ELAVL4: variants seen among roughly 807,000 people sequenced by gnomAD.
The protein encoded by ELAVL4 is ELAV-like protein 4.
ELAVL4 carries 1 observed loss-of-function variant against 35.6 expected under a neutral mutation model. The observed-to-expected ratio is 0.03, with a 90% CI of 0.01 to 0.13. ELAVL4 has a LOEUF of 0.13. ELAVL4 is among the 10% of genes least tolerant of loss of function. The probability of loss-of-function intolerance (pLI) is 1.00; values close to 1 mark genes in which losing one functional copy is unlikely to be tolerated. For missense variants in ELAVL4, 267 were observed against 464.9 expected (o/e 0.57, Z 3.91); for synonymous variants, 156 against 171.0 (o/e 0.91, Z 0.69).
intron 2 of ELAVL4, among the ~76,000 whole-genome samples, chr1:50,175,126 G>A (rs559166474): frequency 6.6e-6 from 1 of 152,196 alleles, no homozygotes; most frequent in East Asian, 1.9e-4. Context: ...TTTAAAAAGT[G>A]ATTATAAGAA....
At chr1:50,100,368 A>G (rs1665917685), upstream of ELAVL4, among the ~76,000 whole-genome samples, 1 of 152,182 alleles carries the variant, frequency 6.6e-6, no homozygotes, top group Non-Finnish European at 1.5e-5. Context: ...GGAGGTTGGA[A>G]TAGATTCAGA....
intron 2 of ELAVL4, among the ~76,000 whole-genome samples, chr1:50,145,700 G>A (rs1267083630): frequency 6.6e-6 from 1 of 152,176 alleles, no homozygotes; most frequent in Non-Finnish European, 1.5e-5. Flanking sequence ...GATTATTCTG[G>A]AATACAACTA....
chr1:50,167,960 T>C (rs1293953794), intron 2 of ELAVL4, among the ~76,000 whole-genome samples: 2 of 152,202 alleles, frequency 1.3e-5, no homozygotes, highest in East Asian at 3.9e-4. Context: ...CATGAATCAC[T>C]ATATAATTGA....
intron 1 of ELAVL4, among the ~76,000 whole-genome samples, chr1:50,088,779 CAAGA>C (rs1306849290): frequency 6.6e-6 from 1 of 152,104 alleles, no homozygotes; most frequent in Non-Finnish European, 1.5e-5. Context: ...AGCCAGGAAA[CAAGA>C]AAGGGCACCC....
intron 3 of ELAVL4, among the ~76,000 whole-genome samples, chr1:50,191,643 C>G (rs545035724): frequency 2.0e-4 from 31 of 152,156 alleles, no homozygotes; most frequent in Non-Finnish European, 3.5e-4. Flanking sequence ...AAGGTTGAAA[C>G]GGGTTAAGTA....
At chr1:50,059,898 G>C (rs760808061) in intron 1 of ELAVL4, among the ~76,000 whole-genome samples, 1 of 152,284 alleles carries the variant, frequency 6.6e-6, no homozygotes, top group East Asian at 1.9e-4. Flanking sequence ...ATCCAGAATA[G>C]ATAAATCTAT....
chr1:50,141,207 T>C (rs974013476), intron 1 of ELAVL4, among the ~76,000 whole-genome samples: 1 of 152,156 alleles, frequency 6.6e-6, no homozygotes, highest in Non-Finnish European at 1.5e-5. Context: ...AATCTCAACA[T>C]GAAATTCTTC....
At chr1:50,143,032 T>TA (rs1164360066) in intron 1 of ELAVL4, among the ~76,000 whole-genome samples, 7 of 152,018 alleles carry the variant, frequency 4.6e-5, no homozygotes, top group African/African-American at 1.4e-4. Context: ...TATATAAAGG[T>TA]AAAAAAATAG....
At chr1:50,113,701 G>T (rs1667470381) in intron 1 of ELAVL4, among the ~76,000 whole-genome samples, 1 of 152,074 alleles carries the variant, frequency 6.6e-6, no homozygotes, top group Non-Finnish European at 1.5e-5. Flanking sequence ...CAGTCGATGG[G>T]CCATGTTGTA....
intron 2 of ELAVL4, among the ~76,000 whole-genome samples, chr1:50,145,702 A>G (rs1158316124): frequency 6.6e-6 from 1 of 152,234 alleles, no homozygotes; most frequent in Non-Finnish European, 1.5e-5. Flanking sequence ...TTATTCTGGA[A>G]TACAACTACT....
chr1:50,130,003 G>A (rs1450960978), intron 1 of ELAVL4, among the ~76,000 whole-genome samples: 1 of 152,138 alleles, frequency 6.6e-6, no homozygotes, highest in Non-Finnish European at 1.5e-5. Flanking sequence ...ACTGCAGAGA[G>A]TCTGAACTGG....
At chr1:50,145,929 C>T (rs1031573603) in intron 2 of ELAVL4, among the ~76,000 whole-genome samples, 4 of 152,156 alleles carry the variant, frequency 2.6e-5, no homozygotes, top group East Asian at 3.9e-4. Flanking sequence ...TTGCCAGACA[C>T]TGACACTATA....
intron 2 of ELAVL4, among the ~76,000 whole-genome samples, chr1:50,168,685 C>T (rs946038820): frequency 8.5e-5 from 13 of 152,056 alleles, no homozygotes; most frequent in Admixed American, 3.9e-4. Flanking sequence ...CACTCACGAG[C>T]GGTGAATCAG....
chr1:50,068,432 C>T (rs1434850696), intron 1 of ELAVL4, among the ~76,000 whole-genome samples: 1 of 152,072 alleles, frequency 6.6e-6, no homozygotes, highest in Non-Finnish European at 1.5e-5. Context: ...CTGGAGGTTT[C>T]AAAAGTGAAA....
chr1:50,178,912 A>C (rs2148834219), intron 3 of ELAVL4, among the ~76,000 whole-genome samples: 1 of 150,874 alleles, frequency 6.6e-6, no homozygotes, highest in Admixed American at 6.6e-5. Flanking sequence ...TTTTCTTGAA[A>C]CCCCAACTCT....
chr1:50,102,145 G>A (rs894610889), upstream of ELAVL4, among the ~76,000 whole-genome samples: 1 of 152,000 alleles, frequency 6.6e-6, no homozygotes, highest in Admixed American at 6.6e-5. Context: ...AAATTAGCCG[G>A]GTGTGGTGGC....
chr1:50,095,089 A>G (rs541007387), intron 1 of ELAVL4, among the ~76,000 whole-genome samples: 2 of 152,298 alleles, frequency 1.3e-5, no homozygotes, highest in Admixed American at 1.3e-4. Flanking sequence ...GATAGCAATG[A>G]CTGAATGCTT....
At chr1:50,110,091 G>T in intron 1 of ELAVL4, 1 of 1,222,628 alleles carries the variant, frequency 8.2e-7, no homozygotes, top group Non-Finnish European at 1.2e-6. Flanking sequence ...CTGATCGTTT[G>T]TGTGTGTATG....
intron 2 of ELAVL4, among the ~76,000 whole-genome samples, chr1:50,156,543 TGAGAAGGCAG>T (rs1478575452): frequency 6.6e-6 from 1 of 152,196 alleles, no homozygotes; most frequent in Non-Finnish European, 1.5e-5. Context: ...AGATGGCATC[TGAGAAGGCAG>T]GAGAATAGAA....
Sources: gnomAD v4.1 joint callset for allele counts (sites outside exome capture counted in the v4.1 genomes callset) on GRCh38, gnomAD v4.1.1 for gene constraint, MANE v1.5 for transcripts, NCBI Gene and HGNC (gene_info 2026-07-23, HGNC 2026-07-21) for gene names.